The following DHRSX variants were observed in gnomAD, a reference collection of about 807,000 sequenced individuals.
DHRSX encodes the protein polyprenol dehydrogenase.
In DHRSX, 31 loss-of-function variants were observed where a neutral mutation model predicts 34.0. That is an observed-to-expected ratio of 0.91 (90% confidence interval 0.69 to 1.23). The LOEUF (loss-of-function observed/expected upper bound fraction) is 1.23, where lower values mean the gene tolerates loss of function less well. DHRSX is among the 50% of genes most tolerant of loss of function. The probability of loss-of-function intolerance (pLI) is 0.00; values close to 1 mark genes in which losing one functional copy is unlikely to be tolerated. For synonymous variants in DHRSX, 201 were observed against 183.8 expected (o/e 1.09, Z -0.76); for missense variants, 414 against 428.1 (o/e 0.97, Z 0.29).
At chrX:2,245,713 T>C (rs985599002) in intron 5 of DHRSX, among the ~76,000 whole-genome samples, 3 of 145,538 alleles carry the variant, frequency 2.1e-5, no homozygotes, top group African/African-American at 7.6e-5. Flanking sequence ...ATCTCAGCAC[T>C]TTGGGAGGCC....
intron 2 of DHRSX, among the ~76,000 whole-genome samples, chrX:2,410,158 G>A (rs184621120): frequency 3.3e-4 from 50 of 152,240 alleles, no homozygotes; most frequent in Non-Finnish European, 3.4e-4. Flanking sequence ...CTGAAGGGGC[G>A]GCTCTTTAGG....
chrX:2,468,446 A>G (rs780469136), intron 1 of DHRSX, among the ~76,000 whole-genome samples: 2 of 139,286 alleles, frequency 1.4e-5, no homozygotes, highest in South Asian at 2.5e-4. Flanking sequence ...GAGACACCCA[A>G]TGAAGAAACA....
At chrX:2,500,746 G>A (rs1197076708) in intron 1 of DHRSX, 71 bp downstream of exon 1, 2 of 597,914 alleles carry the variant, frequency 3.3e-6, no homozygotes, top group Non-Finnish European at 4.1e-6. Flanking sequence ...GAGCCCCCGC[G>A]CCCCCGCCCC....
intron 1 of DHRSX, among the ~76,000 whole-genome samples, chrX:2,484,337 G>A (rs776087234): frequency 2.6e-5 from 4 of 152,224 alleles, no homozygotes; most frequent in South Asian, 4.1e-4. Context: ...ATGGTCCGCG[G>A]AGCCAAAAAT....
chrX:2,447,253 C>T (rs1368177332), intron 1 of DHRSX, among the ~76,000 whole-genome samples: 3 of 151,914 alleles, frequency 2.0e-5, no homozygotes, highest in South Asian at 2.1e-4. Flanking sequence ...CCACTGAAGA[C>T]GTTCCCTAAG....
At position 2,225,693 on chromosome X, in the gene DHRSX, G is replaced by A. The variant is rs542752635; in HGVS notation, c.805-4464C>T. 2.6e-4 allele frequency among the ~76,000 whole-genome samples: 39 copies of A among 150,190 alleles called. 3 individuals carry two copies. The East Asian group carries it at 3.4e-3, about 13-fold the overall frequency. On this transcript the variant is annotated intron_variant, in intron 6 of 6. Transcript: ENST00000334651. ...TGGACTAAGACATGTCATAAGAAAAGGAGATGAGGACACAGACACACACAG... is the reference window on the plus strand; with the variant it reads ...TGGACTAAGACATGTCATAAGAAAAAGAGATGAGGACACAGACACACACAG...
chrX:2,305,525 A>C (rs2124511143), intron 3 of DHRSX, among the ~76,000 whole-genome samples: 1 of 152,232 alleles, frequency 6.6e-6, no homozygotes, highest in African/African-American at 2.4e-5. Flanking sequence ...ATCCTACTAT[A>C]AAGACACATG....
intron 5 of DHRSX, among the ~76,000 whole-genome samples, chrX:2,263,002 C>T: frequency 6.6e-6 from 1 of 152,388 alleles, no homozygotes; most frequent in East Asian, 1.9e-4. Flanking sequence ...GGCTCACCCT[C>T]CTCGTAGTCC....
intron 3 of DHRSX, among the ~76,000 whole-genome samples, chrX:2,345,206 C>A (rs1206407113): frequency 1.3e-5 from 2 of 151,956 alleles, no homozygotes; most frequent in Non-Finnish European, 2.9e-5. Context: ...CTTGGCTGAG[C>A]CATGGTGCCC....
At chrX:2,500,155 T>C (rs766939305) in intron 1 of DHRSX, among the ~76,000 whole-genome samples, 2 of 152,320 alleles carry the variant, frequency 1.3e-5, no homozygotes, top group African/African-American at 4.8e-5. Context: ...GTTGGAGATC[T>C]GTGACTCAGA....
At chrX:2,368,696 A>C (rs911984408) in intron 3 of DHRSX, among the ~76,000 whole-genome samples, 6 of 152,090 alleles carry the variant, frequency 3.9e-5, no homozygotes, top group African/African-American at 1.4e-4. Flanking sequence ...CTAAAAATAC[A>C]AAAATTAGCC....
chrX:2,355,703 G>A (rs1407742475), intron 3 of DHRSX, among the ~76,000 whole-genome samples: 1 of 151,998 alleles, frequency 6.6e-6, no homozygotes, highest in Non-Finnish European at 1.5e-5. Flanking sequence ...CCGGAAACGA[G>A]TAGGAGATAT....
intron 4 of DHRSX, among the ~76,000 whole-genome samples, chrX:2,272,709 T>C (rs1283689862): frequency 1.3e-5 from 2 of 152,090 alleles, no homozygotes; most frequent in African/African-American, 2.4e-5. Context: ...GGTGACAGGC[T>C]GTACCAGCTT....
chrX:2,225,111 C>T (rs2015620055), intron 6 of DHRSX, among the ~76,000 whole-genome samples: 1 of 151,158 alleles, frequency 6.6e-6, no homozygotes, highest in Non-Finnish European at 1.5e-5. Flanking sequence ...AGCTCACACA[C>T]ATGCACACAC....
chrX:2,312,984 C>T (rs1291027787), intron 3 of DHRSX, among the ~76,000 whole-genome samples: 13 of 150,310 alleles, frequency 8.6e-5, no homozygotes, highest in African/African-American at 2.5e-4. Context: ...ACCCCACCCT[C>T]GGGCCCAGCT....
Position 2,220,534 on chromosome X carries a change from A to C in DHRSX, c.*507T>G, listed in dbSNP as rs2015497719. ...CCAGATGGTGCTGCTGGCCACGTCA[A>C]ACTCATCCTACAGGCTGTAGCAAGC... On this transcript the variant is annotated 3_prime_UTR_variant, in exon 7 of 7. Coordinates refer to ENST00000334651, the MANE Select transcript of DHRSX (RefSeq NM_145177.3). 6.4e-6 allele frequency: 1 copy of C among 155,814 alleles called. No individual in the cohort carries two copies. The highest frequency in any genetic ancestry group is 2.4e-5 in the African/African-American group (1 of 41,438). 9.7% of individuals were successfully genotyped at this position (155,814 alleles called of 1,614,324 possible).
At chrX:2,373,652 T>C (rs1443515784) in intron 3 of DHRSX, among the ~76,000 whole-genome samples, 1 of 151,808 alleles carries the variant, frequency 6.6e-6, no homozygotes, top group Non-Finnish European at 1.5e-5. Flanking sequence ...GGGGAAGGGG[T>C]TGTTGTATCT....
At position 2,500,933 on chromosome X, in the gene DHRSX, C is replaced by A. The variant is rs1287932816; in HGVS notation, c.-8G>T. On this transcript the variant is annotated 5_prime_UTR_variant, in exon 1 of 7. Transcript: ENST00000334651. Reference sequence around the variant, plus strand: ...CGCAGACAATGGCGACATGGCTGCCCCGGCCGCGCCGCCGCCGCTTCCGCG... The same window carrying A: ...CGCAGACAATGGCGACATGGCTGCCACGGCCGCGCCGCCGCCGCTTCCGCG... 18 of 1,058,642 alleles carry A rather than the reference C, an allele frequency of 1.7e-5. No individual in the cohort carries two copies. Among genetic ancestry groups the A allele is most frequent in the Non-Finnish European group, 2.0e-5 (18 of 878,538 alleles). 65.6% of individuals were successfully genotyped at this position (1,058,642 alleles called of 1,614,324 possible).
intron 3 of DHRSX, among the ~76,000 whole-genome samples, chrX:2,350,721 G>A (rs929826439): frequency 6.6e-6 from 1 of 152,158 alleles, no homozygotes; most frequent in Non-Finnish European, 1.5e-5. Context: ...GTAACACTTT[G>A]TCAAGAGGGT....
Sources: allele counts gnomAD v4.1 joint callset (sites outside exome capture counted in the v4.1 genomes callset), GRCh38; gene constraint gnomAD v4.1.1; transcripts MANE v1.5; gene names NCBI Gene and HGNC (gene_info 2026-07-23, HGNC 2026-07-21).